The following CT45A1 variants were observed in gnomAD, a reference collection of about 807,000 sequenced individuals.
CT45A1 encodes the protein cancer/testis antigen 45-1.
upstream of CT45A1, among the ~76,000 whole-genome samples, chrX:135,712,558 T>C: frequency 9.0e-6 from 1 of 110,813 alleles, no homozygotes; most frequent in African/African-American, 3.3e-5. Flanking sequence ...AGACAGAGTC[T>C]CGCTCTGTTA....
intron 1 of CT45A1, among the ~76,000 whole-genome samples, chrX:135,715,335 A>ATATATATATAATACTTACATATAATACT (rs1407509382): frequency 2.2e-3 from 78 of 35,262 alleles, no homozygotes; most frequent in African/African-American, 8.1e-3. Flanking sequence ...CTTATATATT[A>ATATATATATAATACTTACATATAATACT]TATATATATA....
chrX:135,719,193 CG>C (rs1381974120), intron 2 of CT45A1, 84 bp downstream of exon 2: 2 of 1,183,894 alleles, frequency 1.7e-6, no homozygotes, highest in Non-Finnish European at 2.3e-6. Flanking sequence ...TTAACAGTTT[CG>C]GCTGACATTG....
At chrX:135,718,182 GT>G (rs1157787240) in intron 1 of CT45A1, among the ~76,000 whole-genome samples, 1 of 111,879 alleles carries the variant, frequency 8.9e-6, no homozygotes, top group Non-Finnish European at 1.9e-5. Flanking sequence ...TGTTGTTGTT[GT>G]TGTTAATGTG....
At chrX:135,713,013 CTT>C (rs1295865168), upstream of CT45A1, among the ~76,000 whole-genome samples, 4 of 77,872 alleles carry the variant, frequency 5.1e-5, no homozygotes, top group African/African-American at 1.5e-4. Flanking sequence ...CTCTCTCTCT[CTT>C]TCTTTCTTTC....
chrX:135,718,442 C>G (rs1280553860), intron 1 of CT45A1, among the ~76,000 whole-genome samples: 1 of 109,676 alleles, frequency 9.1e-6, no homozygotes, highest in African/African-American at 3.3e-5. Flanking sequence ...ATAAGAGTTC[C>G]TAATAAGGGT....
chrX:135,711,319 G>C (rs147505008), upstream of CT45A1, among the ~76,000 whole-genome samples: 151 of 112,244 alleles, frequency 1.3e-3, 1 homozygote, highest in East Asian at 0.028. Context: ...AAGAAAATGT[G>C]TTCTGTAAAG....
At chrX:135,709,195 G>A (rs1475543376), upstream of CT45A1, among the ~76,000 whole-genome samples, 2 of 112,191 alleles carry the variant, frequency 1.8e-5, no homozygotes, top group African/African-American at 3.2e-5. Flanking sequence ...GTCCGATCTC[G>A]GCTCACTGCA....
upstream of CT45A1, among the ~76,000 whole-genome samples, chrX:135,713,011 C>CTT (rs373056815): frequency 5.0e-5 from 3 of 60,425 alleles, no homozygotes; most frequent in Admixed American, 2.2e-4. Context: ...CTCTCTCTCT[C>CTT]TCTTTCTTTC....
At chrX:135,714,681 T>C (rs1443823985) in intron 1 of CT45A1, among the ~76,000 whole-genome samples, 1 of 111,030 alleles carries the variant, frequency 9.0e-6, no homozygotes, top group East Asian at 2.8e-4. Flanking sequence ...GATCTCTCCT[T>C]ATGTCTACAC....
upstream of CT45A1, among the ~76,000 whole-genome samples, chrX:135,712,936 T>TC (rs1556570059): frequency 1.7e-3 from 142 of 85,649 alleles, no homozygotes; most frequent in Middle Eastern, 5.3e-3. Context: ...TTCTTTTCTT[T>TC]TTTTCTTTCT....
chrX:135,717,693 T>G (rs1480430757), intron 1 of CT45A1, among the ~76,000 whole-genome samples: 1 of 112,138 alleles, frequency 8.9e-6, no homozygotes, highest in Non-Finnish European at 1.9e-5. Context: ...ATATTTGATG[T>G]TTTTGGTACT....
upstream of CT45A1, among the ~76,000 whole-genome samples, chrX:135,712,176 TTTC>T (rs2087937437): frequency 6.6e-5 from 4 of 61,055 alleles, no homozygotes; most frequent in African/African-American, 1.2e-4. Flanking sequence ...TCTTTTTTTC[TTTC>T]TTTTTTTTTT....
At chrX:135,718,302 C>A (rs191729673) in intron 1 of CT45A1, among the ~76,000 whole-genome samples, 3 of 110,937 alleles carry the variant, frequency 2.7e-5, no homozygotes, top group Admixed American at 1.9e-4. Flanking sequence ...TATTTGCTCA[C>A]CCTTAGTTTG....
chrX:135,708,800 G>A (rs781964422), upstream of CT45A1, among the ~76,000 whole-genome samples: 1 of 111,054 alleles, frequency 9.0e-6, no homozygotes, highest in African/African-American at 3.3e-5. Flanking sequence ...ATTTTGTGTG[G>A]GAATTATTTC....
chrX:135,718,994 TC>T lies in CT45A1; in HGVS notation c.57del (p.Arg20GlyfsTer40). On this transcript the variant is annotated frameshift_variant, in exon 2 of 5. Coordinates refer to ENST00000594565, the MANE Select transcript of CT45A1 (RefSeq NM_001017417.3). LOFTEE classifies it high-confidence loss of function. The part of the protein sequence containing the change: ...AVDPETVFKR[P>X]RECDSPSYQK... ...TAGATCCTGAAACTGTGTTTAAACG[TC>T]CCAGGGAATGTGACAGTCCTTCGTA... is the stretch of plus-strand genomic sequence containing the variant. 1 of 1,197,184 alleles carries T rather than the reference TC, an allele frequency of 8.4e-7. No individual in the cohort carries two copies. Among genetic ancestry groups the T allele is most frequent in the East Asian group, 3.0e-5 (1 of 33,716 alleles).
chrX:135,715,625 ATACT>A (rs1418674874), intron 1 of CT45A1, among the ~76,000 whole-genome samples: 1 of 93,832 alleles, frequency 1.1e-5, no homozygotes, highest in Non-Finnish European at 2.0e-5. Flanking sequence ...TATGTATATA[ATACT>A]TATATATATA....
chrX:135,709,792 T>C (rs2087925470), upstream of CT45A1, among the ~76,000 whole-genome samples: 1 of 111,327 alleles, frequency 9.0e-6, no homozygotes. Context: ...ATTTGGGTGA[T>C]GGGTTCACTA....
chrX:135,713,017 C>T (rs2087947357), upstream of CT45A1, among the ~76,000 whole-genome samples: 1 of 79,062 alleles, frequency 1.3e-5, no homozygotes, highest in African/African-American at 4.7e-5. Flanking sequence ...CTCTCTCTTT[C>T]TTTCTTTCTT....
chrX:135,709,608 T>C (rs782080816), upstream of CT45A1, among the ~76,000 whole-genome samples: 3 of 112,026 alleles, frequency 2.7e-5, no homozygotes, highest in Non-Finnish European at 5.6e-5. Flanking sequence ...CAAAATCAGA[T>C]AATCAGAAAA....
Sources: gnomAD v4.1 joint callset for allele counts (sites outside exome capture counted in the v4.1 genomes callset) on GRCh38, gnomAD v4.1.1 for gene constraint, MANE v1.5 for transcripts, NCBI Gene and HGNC (gene_info 2026-07-23, HGNC 2026-07-21) for gene names.